The following PHACTR2 variants were observed in gnomAD, a reference collection of about 807,000 sequenced individuals.
PHACTR2 encodes the protein phosphatase and actin regulator 2.
A neutral mutation model predicts 76.0 loss-of-function variants in PHACTR2; 30 were observed. The observed-to-expected ratio is 0.39, with a 90% CI of 0.30 to 0.54. PHACTR2 has a LOEUF of 0.54. PHACTR2 is among the 20% of genes least tolerant of loss of function. The pLI is 0.61. For missense variants in PHACTR2, 696 were observed against 781.1 expected, an observed-to-expected ratio of 0.89 and a Z score of 1.30; for synonymous variants, 292 against 292.5, an observed-to-expected ratio of 1.00 and a Z score of 0.02.
In PHACTR2 at chr6:143,765,925, A is replaced by C; in HGVS notation, c.1232+127A>C. On this transcript the variant is annotated intron_variant, in intron 6 of 12. Transcript: ENST00000440869. This position sits in a 1 kb window ranked among gnomAD's most constrained non-coding sequence, Gnocchi z 4.1. ...TCTACTGAGTGTTAGGTAGGCATAC[A>C]TGTGATCCAACCATTGCTTTGTCAG... 1 of 768,390 alleles carries C rather than the reference A, an allele frequency of 1.3e-6. No individual in the cohort carries two copies. The highest frequency in any genetic ancestry group is 2.8e-5 in the Admixed American group (1 of 35,114). The allele number at this position is 768,390 out of a possible 1,614,324, so 47.6% of individuals were successfully genotyped here.
chr6:143,771,170 ATATGTATATATATATATATGTGTG>A lies in PHACTR2; in HGVS notation c.1233-1084_1233-1061del, dbSNP rs1562300716. ...TATATATATATATGTATATATATAT[ATATGTATATATATATATATGTGTG>A]TATATATATATATATATATATATAT... is the stretch of plus-strand genomic sequence containing the variant. On this transcript the variant is annotated intron_variant, in intron 6 of 12. Transcript: ENST00000440869. Among the ~76,000 whole-genome samples the A allele has an allele frequency of 1.2e-3, 33 of 27,534 alleles. 1 individual carries two copies. Among genetic ancestry groups the A allele is most frequent in the African/African-American group, 4.3e-3 (32 of 7,400 alleles). 18.1% of individuals were successfully genotyped at this position (27,534 alleles called of 152,430 possible). A position where few individuals can be genotyped will look rare whatever the true frequency, so the allele number is the denominator to read the frequency against.
In PHACTR2 at chr6:143,767,363, G is replaced by A. The variant is rs1779584379; in HGVS notation, c.1232+1565G>A. ...TTCTACTGCCATTTCTCTTCTGTTA[G>A]TTTCTTTGGGTTTTTTTAAGTCATT... On this transcript the variant is annotated intron_variant, in intron 6 of 12. Coordinates refer to ENST00000440869, the MANE Select transcript of PHACTR2 (RefSeq NM_001100164.2). This position sits in a 1 kb window ranked among gnomAD's most constrained non-coding sequence, Gnocchi z 4.4. 6.6e-6 allele frequency among the ~76,000 whole-genome samples: 1 copy of A among 152,074 alleles called. No individual in the cohort carries two copies. Among genetic ancestry groups the A allele is most frequent in the South Asian group, 2.1e-4 (1 of 4,826 alleles).
At chr6:143,629,320 A>G (rs1776320267) in intron 1 of PHACTR2, among the ~76,000 whole-genome samples, 1 of 152,018 alleles carries the variant, frequency 6.6e-6, no homozygotes, top group African/African-American at 2.4e-5. Flanking sequence ...TATTTTTGGC[A>G]CTCAGTCTAA....
chr6:143,645,707 T>C (rs1776648170), intron 1 of PHACTR2, among the ~76,000 whole-genome samples: 1 of 152,242 alleles, frequency 6.6e-6, no homozygotes, highest in Non-Finnish European at 1.5e-5. Flanking sequence ...TGTGTTACTC[T>C]TTAAAGCAAT....
chr6:143,727,482 C>T (rs1055900114), intron 2 of PHACTR2, among the ~76,000 whole-genome samples: 5 of 152,062 alleles, frequency 3.3e-5, no homozygotes, highest in Non-Finnish European at 4.4e-5. Context: ...TACCTGGTAG[C>T]GGGATTGCTG....
rs1268378293 is a variant in PHACTR2 at position 143,829,788 on chromosome 6, A to G, written c.*6099A>G. ...TTCTAAATTGTTTTTGGGGCCGAGT[A>G]ACGCAGAGTCAATAAAGGTGGTTAT... On this transcript the variant is annotated 3_prime_UTR_variant, in exon 13 of 13. Coordinates refer to ENST00000440869, the MANE Select transcript of PHACTR2 (RefSeq NM_001100164.2). 1 of 152,246 alleles carries G rather than the reference A, an allele frequency of 6.6e-6. No homozygotes were observed. The highest frequency in any genetic ancestry group is 2.4e-5 in the African/African-American group (1 of 41,474). The allele number at this position is 152,246 out of a possible 1,614,324, so 9.4% of individuals were successfully genotyped here. A position where few individuals can be genotyped will look rare whatever the true frequency, so the allele number is the denominator to read the frequency against.
chr6:143,759,066 C>A (rs1178195579), intron 4 of PHACTR2, among the ~76,000 whole-genome samples: 1 of 152,088 alleles, frequency 6.6e-6, no homozygotes, highest in Non-Finnish European at 1.5e-5. Flanking sequence ...TGCTGCTTAG[C>A]TTTTTGGACT....
intron 1 of PHACTR2, among the ~76,000 whole-genome samples, chr6:143,565,663 G>T (rs1269197622): frequency 1.3e-5 from 2 of 152,004 alleles, no homozygotes; most frequent in Non-Finnish European, 2.9e-5. Flanking sequence ...GGGGCATTAG[G>T]TGGGCAGAGG....
At chr6:143,605,722 G>A (rs1179624928), upstream of PHACTR2, among the ~76,000 whole-genome samples, 2 of 151,970 alleles carry the variant, frequency 1.3e-5, no homozygotes, top group African/African-American at 2.4e-5. This position sits in a 1 kb window ranked among gnomAD's most constrained non-coding sequence, Gnocchi z 5.0. Flanking sequence ...TTATCTCTTA[G>A]TGGAGATGTT....
Position 143,733,808 on chromosome 6 carries a change from G to A in PHACTR2, c.215-15177G>A, listed in dbSNP as rs371484862. ...TTAATTCAACCATTTGTGTTCTTGT[G>A]TATTTCACAACAAAACCTAATGAGA... On this transcript the variant is annotated intron_variant, in intron 2 of 12. Coordinates refer to ENST00000440869, the MANE Select transcript of PHACTR2 (RefSeq NM_001100164.2). This position sits in a 1 kb window ranked among gnomAD's most constrained non-coding sequence, Gnocchi z 4.0. Among the ~76,000 whole-genome samples the A allele has an allele frequency of 2.6e-5, 4 of 152,244 alleles. No individual in the cohort carries two copies. The highest frequency in any genetic ancestry group is 9.6e-5 in the African/African-American group (4 of 41,528).
In PHACTR2 at chr6:143,624,598, T is replaced by C. The variant is rs943299343; in HGVS notation, c.13+16276T>C. ...TTTAATGTTGTGGGAAGCAGTTTAT[T>C]TTCATGGTATGCGGCTTTTTTCACA... On this transcript the variant is annotated intron_variant, in intron 1 of 11. Transcript: ENST00000305766. The surrounding 1 kb of genome is among the most constrained non-coding windows in gnomAD (Gnocchi z 4.6). Among the ~76,000 whole-genome samples, 4 of 152,194 alleles carry C rather than the reference T, an allele frequency of 2.6e-5. No homozygotes were observed. Among genetic ancestry groups the C allele is most frequent in the Non-Finnish European group, 5.9e-5 (4 of 68,030 alleles).
At position 143,625,123 on chromosome 6, in the gene PHACTR2, TC is replaced by T. The variant is rs1247954055; in HGVS notation, c.13+16803del. Among the ~76,000 whole-genome samples, 1 of 151,394 alleles carries T rather than the reference TC, an allele frequency of 6.6e-6. No individual in the cohort carries two copies. The highest frequency in any genetic ancestry group is 1.5e-5 in the Non-Finnish European group (1 of 67,942). ...GTAAGCCAAGATTGCACCACTACAC[TC>T]CAACATGGAGTGTAGAGACAGAATG... On this transcript the variant is annotated intron_variant, in intron 1 of 11. Coordinates refer to the PHACTR2 transcript ENST00000305766. The surrounding 1 kb of genome is among the most constrained non-coding windows in gnomAD (Gnocchi z 4.3).
chr6:143,587,788 C>T (rs576413307), intron 1 of PHACTR2, among the ~76,000 whole-genome samples: 10 of 151,950 alleles, frequency 6.6e-5, no homozygotes, highest in Admixed American at 2.6e-4. Context: ...CTGAGGCGGG[C>T]GGATCACCTG....
intron 1 of PHACTR2, among the ~76,000 whole-genome samples, chr6:143,681,980 G>A (rs1408584679): frequency 6.6e-6 from 1 of 152,178 alleles, no homozygotes. Flanking sequence ...TAGCTTTGTA[G>A]TAAATTTTGA....
At chr6:143,552,888 GA>G (rs35606517) in intron 1 of PHACTR2, among the ~76,000 whole-genome samples, 36,498 of 117,410 alleles carry the variant, frequency 0.31, 4,303 homozygotes, top group African/African-American at 0.39. Context: ...ATCTCAAAAA[GA>G]AAAAAAAAAA....
chr6:143,669,875 G>T (rs1381892151), intron 1 of PHACTR2, among the ~76,000 whole-genome samples: 1 of 152,140 alleles, frequency 6.6e-6, no homozygotes, highest in Non-Finnish European at 1.5e-5. Context: ...TGTTATGTGT[G>T]AATTTGATCC....
Position 143,784,841 on chromosome 6 carries a change from C to A in PHACTR2, c.1707+1561C>A, listed in dbSNP as rs961632309. ...GAAACCCCTGATAAACACATCAGATCTTGTGAGACTTTTTGACTATCACAA... is the reference window on the plus strand; with the variant it reads ...GAAACCCCTGATAAACACATCAGATATTGTGAGACTTTTTGACTATCACAA... On this transcript the variant is annotated intron_variant, in intron 10 of 12. Coordinates refer to ENST00000440869, the MANE Select transcript of PHACTR2 (RefSeq NM_001100164.2). This position sits in a 1 kb window ranked among gnomAD's most constrained non-coding sequence, Gnocchi z 4.5. Among the ~76,000 whole-genome samples the A allele has an allele frequency of 1.3e-5, 2 of 152,168 alleles. No homozygotes were observed. Among genetic ancestry groups the A allele is most frequent in the Non-Finnish European group, 2.9e-5 (2 of 68,028 alleles).
chr6:143,757,857 C>T lies in PHACTR2; in HGVS notation c.455-2544C>T, dbSNP rs961795364. 6.6e-6 allele frequency among the ~76,000 whole-genome samples: 1 copy of T among 151,874 alleles called. No individual in the cohort carries two copies. Among genetic ancestry groups the T allele is most frequent in the African/African-American group, 2.4e-5 (1 of 41,336 alleles). ...GACATAGTGTTTACAGCATTGTGTT[C>T]GATGGAATTTTAAATTTCAGACAAA... is the stretch of plus-strand genomic sequence containing the variant. On this transcript the variant is annotated intron_variant, in intron 4 of 12. Transcript: ENST00000440869. The surrounding 1 kb of genome is among the most constrained non-coding windows in gnomAD (Gnocchi z 4.2).
Position 143,712,189 on chromosome 6 carries a change from A to AG in PHACTR2, c.214+7dup. On this transcript the variant is annotated splice_region_variant and intron_variant, in intron 2 of 12. Coordinates refer to ENST00000440869, the MANE Select transcript of PHACTR2 (RefSeq NM_001100164.2). ...ATTTAGAGAAACCTCGGCAGGTATG[A>AG]GTATCATAACTTGTTAGAAGATGGG... The AG allele has an allele frequency of 6.8e-7, 1 of 1,481,080 alleles. No individual in the cohort carries two copies. The highest frequency in any genetic ancestry group is 1.4e-5 in the African/African-American group (1 of 70,166). 91.7% of individuals were successfully genotyped at this position (1,481,080 alleles called of 1,614,324 possible).
Sources: allele counts gnomAD v4.1 joint callset (sites outside exome capture counted in the v4.1 genomes callset), GRCh38; gene constraint gnomAD v4.1.1; non-coding constraint Gnocchi (gnomAD v3.1); transcripts MANE v1.5; gene names NCBI Gene and HGNC (gene_info 2026-07-23, HGNC 2026-07-21).